The following PARD3B variants were observed in gnomAD, a reference collection of about 807,000 sequenced individuals.
PARD3B encodes partitioning defective 3 homolog B.
PARD3B carries 103 observed loss-of-function variants against 130.2 expected under a neutral mutation model. The ratio of observed to expected loss-of-function variants is 0.79; its 90% CI spans 0.67 to 0.93. PARD3B has a LOEUF of 0.93. Among genes scored for constraint, PARD3B ranks in the 40% least tolerant of loss-of-function variants. PARD3B has a pLI of 0.00. For missense variants in PARD3B, 1,609 were observed against 1,499.2 expected (o/e 1.07, Z -1.21); for synonymous variants, 583 against 553.2 (o/e 1.05, Z -0.76).
At chr2:204,923,909 C>T (rs923730787) in intron 2 of PARD3B, among the ~76,000 whole-genome samples, 3 of 151,842 alleles carry the variant, frequency 2.0e-5, no homozygotes, top group Non-Finnish European at 2.9e-5. Flanking sequence ...TTTAGTGATC[C>T]GAATTGAATT....
chr2:204,922,858 G>C (rs2047736131), intron 2 of PARD3B, among the ~76,000 whole-genome samples: 1 of 151,994 alleles, frequency 6.6e-6, no homozygotes, highest in South Asian at 2.1e-4. Flanking sequence ...AATTGATCTT[G>C]TTTGGTTTTT....
chr2:205,460,521 T>C lies in PARD3B; in HGVS notation c.3044+19849T>C, dbSNP rs1038332502. Among the ~76,000 whole-genome samples, 2 of 152,100 alleles carry C rather than the reference T, an allele frequency of 1.3e-5. No individual in the cohort carries two copies. The highest frequency in any genetic ancestry group is 2.9e-5 in the Non-Finnish European group (2 of 68,018). On this transcript the variant is annotated intron_variant, in intron 20 of 22. Coordinates refer to ENST00000406610, the MANE Select transcript of PARD3B (RefSeq NM_001302769.2). The surrounding 1 kb of genome is among the most constrained non-coding windows in gnomAD (Gnocchi z 4.9). ...GCAATATGATGTCTCTTGAGCAACA[T>C]TTAACTTTCTATTGATTACTTCTCT...
rs1696626503 is a variant in PARD3B at position 205,021,662 on chromosome 2, ATATAGT to A, written c.395-25916_395-25911del. Among the ~76,000 whole-genome samples the A allele has an allele frequency of 6.7e-6, 1 of 149,942 alleles. No homozygotes were observed. Among genetic ancestry groups the A allele is most frequent in the African/African-American group, 2.5e-5 (1 of 40,578 alleles). On this transcript the variant is annotated intron_variant, in intron 3 of 22. Coordinates refer to ENST00000406610, the MANE Select transcript of PARD3B (RefSeq NM_001302769.2). This position sits in a 1 kb window ranked among gnomAD's most constrained non-coding sequence, Gnocchi z 4.5. ...TCTCTCTCTCTCTCTATATATATAT[ATATAGT>A]TAATCTTTTCAATGACCCTGTGTCT...
intron 15 of PARD3B, among the ~76,000 whole-genome samples, chr2:205,217,794 ATGTATATATGTG>A (rs1212788192): frequency 7.0e-6 from 1 of 143,682 alleles, no homozygotes; most frequent in Non-Finnish European, 1.5e-5. Context: ...ATATGTGTGC[ATGTATATATGTG>A]TGTATATATG....
At chr2:204,747,607 C>T (rs1329318719) in intron 2 of PARD3B, among the ~76,000 whole-genome samples, 4 of 152,028 alleles carry the variant, frequency 2.6e-5, no homozygotes, top group African/African-American at 9.7e-5. Context: ...AAAAAAAGAG[C>T]CCACATTGCG....
At chr2:204,619,498 G>A (rs2034223210) in intron 1 of PARD3B, among the ~76,000 whole-genome samples, 1 of 152,124 alleles carries the variant, frequency 6.6e-6, no homozygotes, top group East Asian at 1.9e-4. Flanking sequence ...TGAGTGACAT[G>A]ACAAAAATAA....
Position 205,550,487 on chromosome 2 carries a change from A to T in PARD3B, c.3181-2837A>T, listed in dbSNP as rs771992401. Among the ~76,000 whole-genome samples the T allele has an allele frequency of 6.6e-6, 1 of 152,202 alleles. No individual in the cohort carries two copies. Among genetic ancestry groups the T allele is most frequent in the Non-Finnish European group, 1.5e-5 (1 of 68,036 alleles). ...AAGGACAGAATAATTTCTTATGTGC[A>T]AGCTTGCTGCCTATCTTTTGAAGAC... is the stretch of plus-strand genomic sequence containing the variant. On this transcript the variant is annotated intron_variant, in intron 21 of 22. Transcript: ENST00000406610. This position sits in a 1 kb window ranked among gnomAD's most constrained non-coding sequence, Gnocchi z 4.5.
chr2:205,359,951 C>T (rs144542593), intron 18 of PARD3B, among the ~76,000 whole-genome samples: 3 of 152,268 alleles, frequency 2.0e-5, no homozygotes, highest in African/African-American at 7.2e-5. Flanking sequence ...AGGATAAATG[C>T]ATTTTTTAAA....
At chr2:204,705,253 G>A (rs192615504) in intron 2 of PARD3B, among the ~76,000 whole-genome samples, 1 of 152,282 alleles carries the variant, frequency 6.6e-6, no homozygotes, top group Admixed American at 6.5e-5. Context: ...AAACGTGAAA[G>A]ACAAGGGTCT....
chr2:205,131,070 T>G (rs531739348), intron 10 of PARD3B, among the ~76,000 whole-genome samples: 2 of 152,344 alleles, frequency 1.3e-5, no homozygotes, highest in Admixed American at 1.3e-4. Flanking sequence ...TATAGAATTT[T>G]GGTTTGAAAT....
chr2:204,747,817 AT>A (rs1343800582), intron 2 of PARD3B, among the ~76,000 whole-genome samples: 1 of 152,120 alleles, frequency 6.6e-6, no homozygotes, highest in Non-Finnish European at 1.5e-5. Context: ...AAAAATAAAA[AT>A]TTATAAGATA....
chr2:204,917,652 GAATAC>G (rs2047497890), intron 2 of PARD3B, among the ~76,000 whole-genome samples: 1 of 152,166 alleles, frequency 6.6e-6, no homozygotes, highest in Non-Finnish European at 1.5e-5. Context: ...TTTAGGAATA[GAATAC>G]TAATGTTTTA....
intron 19 of PARD3B, among the ~76,000 whole-genome samples, chr2:205,420,870 G>A (rs1383138276): frequency 6.6e-6 from 1 of 152,166 alleles, no homozygotes; most frequent in Non-Finnish European, 1.5e-5. Flanking sequence ...GAGGCTGGGT[G>A]CTGTGGCTCA....
At chr2:204,881,783 A>C (rs547745664) in intron 2 of PARD3B, among the ~76,000 whole-genome samples, 12 of 152,234 alleles carry the variant, frequency 7.9e-5, no homozygotes, top group Non-Finnish European at 1.6e-4. Flanking sequence ...ACCCAGAGTC[A>C]GGAGTGCTGC....
intron 1 of PARD3B, among the ~76,000 whole-genome samples, chr2:204,607,973 G>T (rs1469572623): frequency 6.6e-6 from 1 of 152,182 alleles, no homozygotes; most frequent in Non-Finnish European, 1.5e-5. Flanking sequence ...AGTCTAGAAT[G>T]ATGCCCATGT....
At chr2:205,157,733 A>G (rs1479649053) in intron 10 of PARD3B, among the ~76,000 whole-genome samples, 1 of 152,158 alleles carries the variant, frequency 6.6e-6, no homozygotes, top group Non-Finnish European at 1.5e-5. Flanking sequence ...GAATGAGTTG[A>G]TCATTTCCAG....
chr2:204,849,052 T>C (rs2044593085), intron 2 of PARD3B, among the ~76,000 whole-genome samples: 1 of 152,162 alleles, frequency 6.6e-6, no homozygotes, highest in Admixed American at 6.6e-5. Flanking sequence ...TAGAGGTTGC[T>C]TGGCTATATA....
chr2:205,050,182 T>G (rs985197028), intron 4 of PARD3B, among the ~76,000 whole-genome samples: 4 of 148,214 alleles, frequency 2.7e-5, no homozygotes, highest in Non-Finnish European at 5.9e-5. Context: ...TATTAATTAA[T>G]ATATATTAAT....
chr2:204,545,771 A>G lies in PARD3B; in HGVS notation c.-229A>G, dbSNP rs1270713138. On this transcript the variant is annotated 5_prime_UTR_variant, in exon 1 of 23. Transcript: ENST00000406610. ...GCTGCCGCGTCCCGGGCCGCCGGGC[A>G]CCTGGGAGGTAACCCCTTTCCGCGG... 2.4e-6 allele frequency: 1 copy of G among 414,604 alleles called. No individual in the cohort carries two copies. The highest frequency in any genetic ancestry group is 4.2e-6 in the Non-Finnish European group (1 of 237,284). 25.7% of individuals were successfully genotyped at this position (414,604 alleles called of 1,614,324 possible).
Sources: gnomAD v4.1 joint callset for allele counts (sites outside exome capture counted in the v4.1 genomes callset) on GRCh38, gnomAD v4.1.1 for gene constraint, Gnocchi (gnomAD v3.1) non-coding constraint, MANE v1.5 for transcripts, NCBI Gene and HGNC (gene_info 2026-07-23, HGNC 2026-07-21) for gene names.